VPS13C: variants seen among roughly 807,000 people sequenced by gnomAD.
The protein encoded by VPS13C is intermembrane lipid transfer protein VPS13C.
A neutral mutation model predicts 456.8 loss-of-function variants in VPS13C; 358 were observed. The observed-to-expected ratio is 0.78, with a 90% CI of 0.72 to 0.86. The LOEUF (loss-of-function observed/expected upper bound fraction) is 0.86, where lower values mean the gene tolerates loss of function less well. Ranked by LOEUF, VPS13C falls within the 40% of genes least tolerant of loss-of-function variation. The pLI is 0.00. For synonymous variants in VPS13C, 1,578 were observed against 1,486.7 expected, an observed-to-expected ratio of 1.06 and a Z score of -1.41; for missense variants, 4,818 against 4,385.4, an observed-to-expected ratio of 1.10 and a Z score of -2.79.
chr15:62,030,830 A>G (rs562714064), intron 5 of VPS13C, among the ~76,000 whole-genome samples: 2 of 152,236 alleles, frequency 1.3e-5, no homozygotes, highest in East Asian at 1.9e-4. Context: ...AAAAAATATT[A>G]CTAACTCAAA....
Position 61,890,400 on chromosome 15 carries a change from C to T in VPS13C, c.9106G>A (p.Asp3036Asn), listed in dbSNP as rs149077892. ...ANVGEHDLLK[D>N]GCGQFPYDAN... is the part of the protein sequence containing the mutation. ...TCATATGGAAACTGTCCACATCCAT[C>T]CTGGGAAGAAGAAAGACTTCATTAA... Residue 3036 changes from aspartate (D) to asparagine (N), a missense_variant and splice_region_variant, in exon 67 of 85, where the codon GAT becomes AAT. This residue lies in a region of VPS13C where 4,552 missense variants were observed against 4,130.6 expected (regional missense o/e 1.10). Transcript: ENST00000644861. The T allele has an allele frequency of 1.3e-4, 208 of 1,612,392 alleles. No individual in the cohort carries two copies. The highest frequency in any genetic ancestry group is 8.2e-4 in the Middle Eastern group (5 of 6,078).
In VPS13C at chr15:62,020,453, G is replaced by A. The variant is rs185264557; in HGVS notation, c.684+26C>T. ...AGAATAATACTTTACAGGTTCCATA[G>A]AAGTTTAAAATAAAGCAAACATTAC... On this transcript the variant is annotated intron_variant, in intron 9 of 84. Transcript: ENST00000644861. 5.1e-3 allele frequency: 8,159 copies of A among 1,596,558 alleles called. 30 individuals are homozygous for A. Among genetic ancestry groups the A allele is most frequent in the Non-Finnish European group, 6.3e-3 (7,422 of 1,170,332 alleles).
At chr15:61,938,627 G>T (rs1379736382) in intron 47 of VPS13C, among the ~76,000 whole-genome samples, 1 of 152,132 alleles carries the variant, frequency 6.6e-6, no homozygotes, top group Admixed American at 6.5e-5. Context: ...AGTATCAGAT[G>T]TTACTTTTTT....
chr15:61,951,571 T>C (rs1195719333), intron 39 of VPS13C, among the ~76,000 whole-genome samples: 1 of 152,028 alleles, frequency 6.6e-6, no homozygotes, highest in Non-Finnish European at 1.5e-5. Context: ...ATTAACATAA[T>C]CAAAAAGAAA....
In VPS13C at chr15:61,987,152, A is replaced by G. The variant is rs369753515; in HGVS notation, c.1579-2153T>C. Among the ~76,000 whole-genome samples the G allele has an allele frequency of 3.6e-4, 55 of 152,176 alleles. 2 individuals carry two copies. The South Asian group carries it at 0.011, about 31-fold the overall frequency. On this transcript the variant is annotated intron_variant, in intron 18 of 84. Transcript: ENST00000644861. ...GCAGCATGTACTTTTGAAAACACTG[A>G]TAAGATTATTCTAAAAGGTATATAT... is the stretch of plus-strand genomic sequence containing the variant.
intron 1 of VPS13C, among the ~76,000 whole-genome samples, chr15:62,047,355 T>C (rs2048445783): frequency 6.6e-6 from 1 of 151,962 alleles, no homozygotes; most frequent in African/African-American, 2.4e-5. Context: ...GGAGAACTGC[T>C]TGAACCTGGG....
intron 6 of VPS13C, among the ~76,000 whole-genome samples, chr15:62,026,898 T>C (rs532029740): frequency 2.0e-4 from 30 of 152,258 alleles, no homozygotes; most frequent in Admixed American, 3.9e-4. Context: ...TGACTACTAC[T>C]ACAGTCTGGT....
At chr15:61,928,211 T>C (rs976131038) in intron 51 of VPS13C, among the ~76,000 whole-genome samples, 17 of 152,076 alleles carry the variant, frequency 1.1e-4, no homozygotes, top group African/African-American at 3.9e-4. Flanking sequence ...TAAAAAAGAA[T>C]AATCCTGTTT....
intron 47 of VPS13C, among the ~76,000 whole-genome samples, chr15:61,939,727 G>T: frequency 6.6e-6 from 1 of 152,190 alleles, no homozygotes; most frequent in Admixed American, 6.5e-5. Context: ...GAGCACGGTG[G>T]CTCACGCCTG....
rs1184581510 is a variant in VPS13C, at chr15:61,997,710, G to T, written c.1353+2854C>A. Among the ~76,000 whole-genome samples the T allele has an allele frequency of 2.6e-5, 4 of 152,050 alleles. No individual in the cohort carries two copies. In the South Asian group the frequency reaches 8.3e-4, roughly 32 times the overall value. ...TCTAGTCAGTCAGGAAATACTGGCT[G>T]TACCCTCAAAGTATATCTAGAATCT... On this transcript the variant is annotated intron_variant, in intron 16 of 84. Coordinates refer to ENST00000644861, the MANE Select transcript of VPS13C (RefSeq NM_020821.3).
chr15:61,967,243 G>T, intron 29 of VPS13C, 125 bp downstream of exon 29: 2 of 756,280 alleles, frequency 2.6e-6, no homozygotes, highest in Non-Finnish European at 4.2e-6. Context: ...AAAAGAAACA[G>T]ATTTCCCTCT....
chr15:61,939,810 C>A (rs977568813), intron 47 of VPS13C, among the ~76,000 whole-genome samples: 13 of 152,076 alleles, frequency 8.5e-5, no homozygotes, highest in Admixed American at 3.3e-4. Context: ...GCCTGGCCAA[C>A]CTGGTGAAAC....
At chr15:61,967,196 C>T (rs575705754) in intron 29 of VPS13C, among the ~76,000 whole-genome samples, 172 bp downstream of exon 29, 14 of 151,922 alleles carry the variant, frequency 9.2e-5, no homozygotes, top group African/African-American at 1.9e-4. Context: ...ATAATAGCCC[C>T]GTACTTAAGT....
At chr15:62,058,488 T>G (rs563912183) in intron 1 of VPS13C, among the ~76,000 whole-genome samples, 13 of 152,100 alleles carry the variant, frequency 8.5e-5, no homozygotes, top group South Asian at 4.1e-4. Context: ...AATTCAGCAA[T>G]AAAAAAATGC....
chr15:61,892,155 C>T (rs2042671560), intron 66 of VPS13C, among the ~76,000 whole-genome samples: 1 of 152,188 alleles, frequency 6.6e-6, no homozygotes, highest in African/African-American at 2.4e-5. Context: ...GAAGAGAAAA[C>T]CCCCAAGGGA....
chr15:62,043,190 C>A (rs1280682315), intron 2 of VPS13C, among the ~76,000 whole-genome samples: 1 of 152,086 alleles, frequency 6.6e-6, no homozygotes, highest in African/African-American at 2.4e-5. Flanking sequence ...TTTTGAGCAC[C>A]TACTAAGTGC....
intron 15 of VPS13C, among the ~76,000 whole-genome samples, chr15:62,006,881 T>G (rs1049001170): frequency 2.6e-5 from 4 of 152,212 alleles, no homozygotes; most frequent in Admixed American, 1.3e-4. Context: ...TTTCATGTGT[T>G]TTTTGGCTGC....
rs1008267740 is a variant in VPS13C at position 61,890,458 on chromosome 15, T to C, written c.9106-58A>G. On this transcript the variant is annotated intron_variant, in intron 66 of 84. Transcript: ENST00000644861. Reference sequence around the variant, plus strand: ...CATAGTAACTTGTTATTATATAAAATTGAACTATAATAACAGAAAGATTAG... The same window carrying C: ...CATAGTAACTTGTTATTATATAAAACTGAACTATAATAACAGAAAGATTAG... The C allele has an allele frequency of 5.4e-4, 772 of 1,431,026 alleles. 5 individuals carry two copies. The highest frequency in any genetic ancestry group is 6.6e-4 in the Non-Finnish European group (687 of 1,041,186). The allele number at this position is 1,431,026 out of a possible 1,614,324, so 88.6% of individuals were successfully genotyped here.
At chr15:61,978,781 T>C (rs2045787280) in intron 22 of VPS13C, 32 bp from the exon 23 acceptor site, 2 of 1,569,690 alleles carry the variant, frequency 1.3e-6, no homozygotes, top group Non-Finnish European at 1.7e-6. Context: ...AATTTTTTTT[T>C]CCAAAACAGA....
Sources: gnomAD v4.1 joint callset for allele counts (sites outside exome capture counted in the v4.1 genomes callset) on GRCh38, gnomAD v4.1.1 for gene constraint, gnomAD v4.1.1 regional missense constraint, MANE v1.5 for transcripts, NCBI Gene and HGNC (gene_info 2026-07-23, HGNC 2026-07-21) for gene names.